RPA1: variants seen among roughly 807,000 people sequenced by gnomAD.
RPA1 encodes the protein replication protein A1, also known as replication protein A 70 kDa DNA-binding subunit.
Under a neutral mutation model 83.0 loss-of-function variants are expected in RPA1, and 49 were observed. That is an observed-to-expected ratio of 0.59 (90% CI 0.47 to 0.75). The LOEUF (loss-of-function observed/expected upper bound fraction) is 0.75. Ranked by LOEUF, RPA1 falls within the 30% of genes least tolerant of loss-of-function variation. RPA1 has a pLI of 0.00. For missense variants in RPA1, 693 were observed against 776.1 expected (o/e 0.89, Z 1.27); for synonymous variants, 279 against 281.8 (o/e 0.99, Z 0.10).
chr17:1,872,414 G>A lies in RPA1; in HGVS notation c.362-20G>A, dbSNP rs1224187352. 3.1e-6 allele frequency: 5 copies of A among 1,612,476 alleles called. No individual in the cohort carries two copies. In the South Asian group the frequency reaches 4.4e-5, roughly 14 times the overall value. On this transcript the variant is annotated intron_variant, in intron 5 of 16. Coordinates refer to ENST00000254719, the MANE Select transcript of RPA1 (RefSeq NM_002945.5). ...CCCAAATCCTTTGCACTAAAACGGG[G>A]TTTCCCTTTTGATCTTCAGGACTCG...
chr17:1,843,857 G>A (rs1157916805), intron 2 of RPA1, 63 bp from the exon 3 acceptor site: 11 of 1,381,168 alleles, frequency 8.0e-6, no homozygotes, highest in African/African-American at 2.9e-5. Context: ...CTGCCACTTC[G>A]GTTTACGTAT....
At chr17:1,894,513 T>C (rs948683785) in intron 15 of RPA1, among the ~76,000 whole-genome samples, 5 of 152,232 alleles carry the variant, frequency 3.3e-5, no homozygotes, top group Non-Finnish European at 5.9e-5. Flanking sequence ...TTTTTGTGTC[T>C]AGTAAAGCAT....
At position 1,899,292 on chromosome 17, in the gene RPA1, C is replaced by CAGTTCGTATAATTCTCTTGGATAT. The variant is rs17339402; in HGVS notation, c.*2121_*2122insCGTATAATTCTCTTGGATATAGTT. 6.6e-6 allele frequency: 1 copy of CAGTTCGTATAATTCTCTTGGATAT among 152,536 alleles called. No homozygotes were observed. The highest frequency in any genetic ancestry group is 2.1e-4 in the South Asian group (1 of 4,826). The allele number at this position is 152,536 out of a possible 1,614,324, so 9.4% of individuals were successfully genotyped here. On this transcript the variant is annotated 3_prime_UTR_variant, in exon 17 of 17. Coordinates refer to ENST00000254719, the MANE Select transcript of RPA1 (RefSeq NM_002945.5). ...GGTTGCCTAAATAGATTCTGGCCCA[C>CAGTTCGTATAATTCTCTTGGATAT]AGTTTACCTCGAAAGGCTGTTGATG...
In RPA1 at chr17:1,884,267, T is replaced by C. The variant is rs1283309326; in HGVS notation, c.1374+323T>C. ...TGCTTTCGGGTCCACGTTTCTTTCC[T>C]GTGATCCTTCCTGCAAATTTAAGCG... On this transcript the variant is annotated intron_variant, in intron 13 of 16. Coordinates refer to ENST00000254719, the MANE Select transcript of RPA1 (RefSeq NM_002945.5). The surrounding 1 kb of genome is among the most constrained non-coding windows in gnomAD (Gnocchi z 4.1). Among the ~76,000 whole-genome samples the C allele has an allele frequency of 6.6e-6, 1 of 152,206 alleles. No homozygotes were observed. The highest frequency in any genetic ancestry group is 1.5e-5 in the Non-Finnish European group (1 of 68,038).
At chr17:1,881,533 C>T (rs1179950180) in intron 12 of RPA1, among the ~76,000 whole-genome samples, 5 of 152,190 alleles carry the variant, frequency 3.3e-5, no homozygotes, top group Non-Finnish European at 7.3e-5. Context: ...ACGGTCCACA[C>T]GTATCTGCCG....
At chr17:1,834,870 G>A (rs1162848246) in intron 1 of RPA1, among the ~76,000 whole-genome samples, 4 of 151,826 alleles carry the variant, frequency 2.6e-5, no homozygotes, top group African/African-American at 9.7e-5. Flanking sequence ...TACTTACTAG[G>A]GATTTTTTTT....
rs1448496723 is a variant in RPA1, at chr17:1,884,163, T to A, written c.1374+219T>A. On this transcript the variant is annotated intron_variant, in intron 13 of 16. Coordinates refer to ENST00000254719, the MANE Select transcript of RPA1 (RefSeq NM_002945.5). The surrounding 1 kb of genome is among the most constrained non-coding windows in gnomAD (Gnocchi z 4.1). ...CCTCAGGGGACTGGAGGCAGGAGAG[T>A]CTGAAGAACTCTTAGAGTCAATTCC... Among the ~76,000 whole-genome samples the A allele has an allele frequency of 6.6e-6, 1 of 151,954 alleles. No individual in the cohort carries two copies. The highest frequency in any genetic ancestry group is 2.4e-5 in the African/African-American group (1 of 41,360).
At chr17:1,844,331 T>C (rs1221807200) in intron 3 of RPA1, among the ~76,000 whole-genome samples, 1 of 152,168 alleles carries the variant, frequency 6.6e-6, no homozygotes, top group African/African-American at 2.4e-5. Context: ...TGTTGGAAGC[T>C]GTAAAGGGGA....
At chr17:1,867,701 A>T (rs568726134) in intron 5 of RPA1, among the ~76,000 whole-genome samples, 9 of 151,902 alleles carry the variant, frequency 5.9e-5, no homozygotes, top group Non-Finnish European at 1.2e-4. Context: ...ACAGATCAAG[A>T]CCCTGTCTCA....
intron 1 of RPA1, among the ~76,000 whole-genome samples, chr17:1,841,550 C>A (rs560285396): frequency 1.3e-5 from 2 of 152,154 alleles, no homozygotes; most frequent in South Asian, 4.2e-4. Context: ...GTGATTTGCC[C>A]GCCACAGCCT....
intron 1 of RPA1, among the ~76,000 whole-genome samples, chr17:1,836,831 A>T (rs76410306): frequency 1.6e-5 from 1 of 63,108 alleles, no homozygotes; most frequent in East Asian, 3.6e-4. Context: ...TTGGCTAATT[A>T]AAAAAAAATT....
chr17:1,834,715 A>G (rs1399979600), intron 1 of RPA1, among the ~76,000 whole-genome samples: 6 of 152,232 alleles, frequency 3.9e-5, no homozygotes, highest in African/African-American at 1.2e-4. Context: ...CAGATGCTTT[A>G]GTAGTCAGTA....
intron 6 of RPA1, among the ~76,000 whole-genome samples, chr17:1,873,026 T>C (rs929310774): frequency 5.9e-5 from 9 of 152,208 alleles, no homozygotes; most frequent in African/African-American, 2.2e-4. Context: ...AAAGATCAAA[T>C]TGATACATTC....
At chr17:1,837,955 T>C (rs1911886268) in intron 1 of RPA1, among the ~76,000 whole-genome samples, 1 of 152,174 alleles carries the variant, frequency 6.6e-6, no homozygotes, top group Admixed American at 6.6e-5. Context: ...TTTTTGTTTG[T>C]TTTTGTTTTG....
At chr17:1,877,469 G>T (rs1018213128) in intron 8 of RPA1, among the ~76,000 whole-genome samples, 155 bp downstream of exon 8, 4 of 152,148 alleles carry the variant, frequency 2.6e-5, no homozygotes, top group African/African-American at 4.8e-5. Flanking sequence ...CAGCTCTGCG[G>T]GCCTATGAGG....
intron 5 of RPA1, among the ~76,000 whole-genome samples, chr17:1,866,897 T>C (rs1430974936): frequency 6.6e-6 from 1 of 152,262 alleles, no homozygotes; most frequent in South Asian, 2.1e-4. Flanking sequence ...CTGGTTTCAC[T>C]GAAGATGTCG....
chr17:1,852,991 C>G lies in RPA1; in HGVS notation c.273-110C>G, dbSNP rs17291888. 1.7e-3 allele frequency: 1,393 copies of G among 809,140 alleles called. 19 individuals are homozygous for G. The African/African-American group carries it at 0.021, about 12-fold the overall frequency. The allele number at this position is 809,140 out of a possible 1,614,324, so 50.1% of individuals were successfully genotyped here. ...GAGAAATATTTATGTAAACAGATGA[C>G]AAATGGAAAATAGTTCATCACAATG... On this transcript the variant is annotated intron_variant, in intron 4 of 16. Transcript: ENST00000254719.
chr17:1,851,669 A>G (rs892151759), intron 4 of RPA1, among the ~76,000 whole-genome samples: 16 of 152,202 alleles, frequency 1.1e-4, no homozygotes, highest in Non-Finnish European at 4.4e-5. Flanking sequence ...TATTAGAGTC[A>G]TACTAAATGA....
chr17:1,895,046 A>T lies in RPA1; in HGVS notation c.1697A>T (p.Asn566Ile). 6.2e-7 allele frequency: 1 copy of T among 1,613,722 alleles called. No individual in the cohort carries two copies. The highest frequency in any genetic ancestry group is 8.5e-7 in the Non-Finnish European group (1 of 1,179,792). The change falls in exon 16 of 17, where the codon AAC (asparagine) becomes ATC (isoleucine). Residue 566 changes from asparagine to isoleucine, a missense_variant. Physicochemically the swap from Asn to Ile is moderately radical, Grantham distance 149. Coordinates refer to ENST00000254719, the MANE Select transcript of RPA1 (RefSeq NM_002945.5). ...TTTGAAGAAGTTTTCCAGAATGCCA[A>T]CTTCCGATCTTTCATATTCAGAGTC... is the stretch of plus-strand genomic sequence containing the variant. ...QAFEEVFQNA[N>I]FRSFIFRVRV...
Sources: gnomAD v4.1 joint callset for allele counts (sites outside exome capture counted in the v4.1 genomes callset) on GRCh38, gnomAD v4.1.1 for gene constraint, Gnocchi (gnomAD v3.1) non-coding constraint, MANE v1.5 for transcripts, NCBI Gene and HGNC (gene_info 2026-07-23, HGNC 2026-07-21) for gene names.